Variants in LRRTM4 observed in about 807,000 individuals in gnomAD.
LRRTM4 encodes the protein leucine rich repeat transmembrane neuronal 4.
Under a neutral mutation model 47.6 loss-of-function variants are expected in LRRTM4, and 25 were observed. That is an observed-to-expected ratio of 0.53 (90% CI 0.38 to 0.73). The LOEUF (loss-of-function observed/expected upper bound fraction) is 0.73, where lower values mean the gene tolerates loss of function less well. LRRTM4 is among the 30% of genes least tolerant of loss of function. The pLI, the probability that LRRTM4 is intolerant of heterozygous loss-of-function variation, is 0.00. For synonymous variants in LRRTM4, 311 were observed against 269.5 expected (o/e 1.15, Z -1.51); for missense variants, 638 against 713.4 (o/e 0.89, Z 1.20).
At chr2:76,749,498 C>T (rs923165287) in intron 3 of LRRTM4, among the ~76,000 whole-genome samples, 4 of 151,968 alleles carry the variant, frequency 2.6e-5, no homozygotes, top group African/African-American at 9.7e-5. Flanking sequence ...ATCACAATTT[C>T]CTATAGATTA....
chr2:76,934,081 C>T (rs1674860398), intron 3 of LRRTM4, among the ~76,000 whole-genome samples: 1 of 152,106 alleles, frequency 6.6e-6, no homozygotes, highest in South Asian at 2.1e-4. Flanking sequence ...GCTCTCAAAG[C>T]AGGACTCTGT....
At chr2:77,172,487 C>T (rs1263265031) in intron 3 of LRRTM4, among the ~76,000 whole-genome samples, 1 of 151,920 alleles carries the variant, frequency 6.6e-6, no homozygotes. Context: ...TCAGCTACTC[C>T]GGAGGCTGAG....
At chr2:76,750,700 GT>G (rs1457801406) in intron 3 of LRRTM4, among the ~76,000 whole-genome samples, 3 of 152,102 alleles carry the variant, frequency 2.0e-5, no homozygotes, top group Non-Finnish European at 2.9e-5. Context: ...TCATTCGTCT[GT>G]TTACTATGCA....
chr2:76,877,533 G>T (rs1466743947), intron 3 of LRRTM4, among the ~76,000 whole-genome samples: 1 of 151,364 alleles, frequency 6.6e-6, no homozygotes, highest in Non-Finnish European at 1.5e-5. Context: ...AAGGTACAAT[G>T]GTTAAAAATA....
chr2:77,015,324 CTTTA>C (rs373406597), intron 3 of LRRTM4, among the ~76,000 whole-genome samples: 15 of 152,104 alleles, frequency 9.9e-5, no homozygotes, highest in African/African-American at 1.7e-4. Context: ...GGAAGTTGTA[CTTTA>C]TTTATTTATT....
chr2:77,070,809 TTAG>T (rs1179439494), intron 3 of LRRTM4, among the ~76,000 whole-genome samples: 2 of 152,088 alleles, frequency 1.3e-5, no homozygotes, highest in Non-Finnish European at 2.9e-5. Flanking sequence ...TTTTGTATTA[TTAG>T]TAGAGACGGG....
intron 3 of LRRTM4, among the ~76,000 whole-genome samples, chr2:76,877,992 A>T (rs1672824933): frequency 6.6e-6 from 1 of 152,196 alleles, no homozygotes; most frequent in Non-Finnish European, 1.5e-5. Flanking sequence ...TGTTTTTAAT[A>T]CATTGAAGAT....
chr2:76,854,245 A>G (rs548373622), intron 3 of LRRTM4, among the ~76,000 whole-genome samples: 4 of 152,298 alleles, frequency 2.6e-5, no homozygotes, highest in Non-Finnish European at 5.9e-5. Flanking sequence ...TAGTCATATG[A>G]TAAGTATGGG....
At chr2:76,810,775 A>C (rs1026927144) in intron 3 of LRRTM4, among the ~76,000 whole-genome samples, 5 of 152,200 alleles carry the variant, frequency 3.3e-5, no homozygotes, top group African/African-American at 1.2e-4. Context: ...AGGTGCTTTG[A>C]AATCATTGGC....
chr2:76,979,562 C>CTA (rs201950529), intron 3 of LRRTM4, among the ~76,000 whole-genome samples: 28 of 92,390 alleles, frequency 3.0e-4, no homozygotes, highest in Middle Eastern at 4.7e-3. Context: ...TGCTCTTCCT[C>CTA]TATATATATA....
intron 3 of LRRTM4, among the ~76,000 whole-genome samples, chr2:77,464,793 A>C (rs1396729331): frequency 1.3e-5 from 2 of 152,166 alleles, no homozygotes; most frequent in Non-Finnish European, 2.9e-5. Context: ...GACACTTAAT[A>C]AAATAATCCT....
chr2:77,198,213 A>T (rs2103893868), intron 3 of LRRTM4, among the ~76,000 whole-genome samples: 1 of 152,236 alleles, frequency 6.6e-6, no homozygotes, highest in Middle Eastern at 3.4e-3. Context: ...CCTCAGTGGG[A>T]AGGGGCCTCT....
Position 77,057,449 on chromosome 2 carries a change from C to CAAG in LRRTM4, c.1552-308534_1552-308533insCTT, listed in dbSNP as rs1679646560. ...ATTATCATTGGCCACAAGAAGACCA[C>CAAG]TAATTAGAGGAATAACTAGCTCACA... is the stretch of plus-strand genomic sequence containing the variant. On this transcript the variant is annotated intron_variant, in intron 3 of 3. Coordinates refer to ENST00000409884, the MANE Select transcript of LRRTM4 (RefSeq NM_001134745.3). 2.0e-5 allele frequency among the ~76,000 whole-genome samples: 3 copies of CAAG among 152,264 alleles called. No individual in the cohort carries two copies. In the East Asian group the frequency reaches 5.8e-4, roughly 29 times the overall value.
At chr2:77,294,880 A>G (rs954918917) in intron 3 of LRRTM4, among the ~76,000 whole-genome samples, 2 of 152,190 alleles carry the variant, frequency 1.3e-5, no homozygotes, top group Admixed American at 6.5e-5. Context: ...TTTTATTACC[A>G]TCTATATTTT....
chr2:77,090,151 G>A (rs894824810), intron 3 of LRRTM4, among the ~76,000 whole-genome samples: 1 of 151,990 alleles, frequency 6.6e-6, no homozygotes, highest in Non-Finnish European at 1.5e-5. Context: ...CTCACACCTG[G>A]TCTGGCTTAC....
At chr2:77,177,394 A>T (rs72911894) in intron 3 of LRRTM4, among the ~76,000 whole-genome samples, 7,989 of 152,192 alleles carry the variant, frequency 0.052, 691 homozygotes, top group African/African-American at 0.18. Flanking sequence ...CGTTTAGAAA[A>T]ATCATTCTCT....
intron 3 of LRRTM4, among the ~76,000 whole-genome samples, chr2:77,384,339 T>C (rs374517161): frequency 6.6e-6 from 1 of 151,930 alleles, no homozygotes; most frequent in Admixed American, 6.6e-5. Context: ...TGATAAGCTG[T>C]GTGATGTTAT....
chr2:77,364,744 G>T (rs533802394), intron 3 of LRRTM4, among the ~76,000 whole-genome samples: 2 of 151,864 alleles, frequency 1.3e-5, no homozygotes, highest in Non-Finnish European at 2.9e-5. Flanking sequence ...AATAGTAAGG[G>T]GGCATATAAA....
intron 3 of LRRTM4, among the ~76,000 whole-genome samples, chr2:76,779,924 G>A (rs1381278675): frequency 1.6e-4 from 25 of 151,926 alleles, no homozygotes; most frequent in African/African-American, 6.0e-4. Context: ...CATGTTTAGT[G>A]CTTCCTTCAG....
Sources: gnomAD v4.1 joint callset for allele counts (sites outside exome capture counted in the v4.1 genomes callset) on GRCh38, gnomAD v4.1.1 for gene constraint, MANE v1.5 for transcripts, NCBI Gene and HGNC (gene_info 2026-07-23, HGNC 2026-07-21) for gene names.